The following ARHGEF10 variants were observed in gnomAD, a reference collection of about 807,000 sequenced individuals.
ARHGEF10 encodes Rho guanine nucleotide exchange factor (GEF) 10.
Under a neutral mutation model 147.4 loss-of-function variants are expected in ARHGEF10, and 140 were observed. The ratio of observed to expected loss-of-function variants is 0.95; its 90% CI spans 0.83 to 1.09. The LOEUF (loss-of-function observed/expected upper bound fraction) is 1.09. ARHGEF10 is among the 50% of genes least tolerant of loss of function. The pLI is 0.00. For synonymous variants in ARHGEF10, 902 were observed against 695.8 expected (o/e 1.30, Z -4.67); for missense variants, 2,222 against 1,752.7 (o/e 1.27, Z -4.78).
Position 1,928,426 on chromosome 8 carries a change from G to T in ARHGEF10, c.2698-1G>T. ...TCTTTCCTCCTAATTCTCTGATTCA[G>T]ATCGGAAGTTGCACCCATCAAATGG... On this transcript the variant is annotated splice_acceptor_variant, in intron 23 of 28. Transcript: ENST00000349830. LOFTEE classifies it high-confidence loss of function. 5 of 1,609,862 alleles carry T rather than the reference G, an allele frequency of 3.1e-6. No homozygotes were observed. The highest frequency in any genetic ancestry group is 4.2e-6 in the Non-Finnish European group (5 of 1,177,098).
At chr8:1,870,643 A>T (rs1267818584) in intron 7 of ARHGEF10, 2 of 152,246 alleles carry the variant, frequency 1.3e-5, no homozygotes, top group Non-Finnish European at 2.9e-5. Context: ...AGCCATAAGC[A>T]AGGAATAATT....
chr8:1,889,481 G>A lies in ARHGEF10; in HGVS notation c.1182+3774G>A, dbSNP rs1158205157. ...TGAGGGGTCTGTGAGGAGACACTGA[G>A]TGGGGTGAGGGGTCTGTGAGGAGAC... is the stretch of plus-strand genomic sequence containing the variant. On this transcript the variant is annotated intron_variant, in intron 11 of 28. Coordinates refer to ENST00000349830, the MANE Select transcript of ARHGEF10 (RefSeq NM_014629.4). Among the ~76,000 whole-genome samples the A allele has an allele frequency of 1.3e-4, 8 of 61,110 alleles. 1 individual carries two copies. Among genetic ancestry groups the A allele is most frequent in the African/African-American group, 5.9e-4 (6 of 10,174 alleles). The allele number at this position is 61,110 out of a possible 152,430, so 40.1% of individuals were successfully genotyped here.
chr8:1,896,232 G>T, intron 13 of ARHGEF10, 101 bp from the exon 14 acceptor site: 2 of 895,530 alleles, frequency 2.2e-6, no homozygotes, highest in East Asian at 2.4e-5. Flanking sequence ...CACAGTGACC[G>T]AAAGAGTATT....
At chr8:1,874,593 A>G (rs1807484883) in intron 7 of ARHGEF10, among the ~76,000 whole-genome samples, 1 of 152,252 alleles carries the variant, frequency 6.6e-6, no homozygotes, top group Non-Finnish European at 1.5e-5. Context: ...CAGTCCAGAT[A>G]CATACCGGGG....
intron 1 of ARHGEF10, among the ~76,000 whole-genome samples, chr8:1,829,478 A>G (rs1208385163): frequency 2.6e-5 from 4 of 152,206 alleles, no homozygotes; most frequent in Non-Finnish European, 5.9e-5. Flanking sequence ...GTGATAAGAA[A>G]GTCGACTCAT....
chr8:1,828,822 C>A (rs980022971), intron 1 of ARHGEF10, among the ~76,000 whole-genome samples: 9 of 152,174 alleles, frequency 5.9e-5, no homozygotes, highest in Admixed American at 2.6e-4. Flanking sequence ...TGCACACTTA[C>A]GGTTTTAAGG....
At chr8:1,849,542 ACG>A (rs1804842922) in intron 2 of ARHGEF10, among the ~76,000 whole-genome samples, 3 of 130,978 alleles carry the variant, frequency 2.3e-5, no homozygotes, top group Non-Finnish European at 1.6e-5. Flanking sequence ...TGGGGCGGCC[ACG>A]TGGGCATGGA....
At chr8:1,855,741 G>A (rs1243305645) in intron 2 of ARHGEF10, among the ~76,000 whole-genome samples, 2 of 152,038 alleles carry the variant, frequency 1.3e-5, no homozygotes, top group East Asian at 1.9e-4. Context: ...AGTCGGCATT[G>A]TTTCCGCAGC....
rs530074511 is a variant in ARHGEF10, at chr8:1,937,749, C to T, written c.3222+3807C>T. ...TTGCTGACAGCGAGGGCAGCAGCTG[C>T]GGGGGGATCCGTCCCGAATGGCCAT... On this transcript the variant is annotated intron_variant, in intron 26 of 28. Coordinates refer to ENST00000349830, the MANE Select transcript of ARHGEF10 (RefSeq NM_014629.4). This position sits in a 1 kb window ranked among gnomAD's most constrained non-coding sequence, Gnocchi z 4.9. 6.6e-5 allele frequency among the ~76,000 whole-genome samples: 10 copies of T among 152,304 alleles called. No individual in the cohort carries two copies. The highest frequency in any genetic ancestry group is 3.9e-4 in the East Asian group (2 of 5,174).
intron 2 of ARHGEF10, among the ~76,000 whole-genome samples, chr8:1,854,546 C>G (rs1025227026): frequency 1.1e-3 from 159 of 140,180 alleles, no homozygotes; most frequent in African/African-American, 3.7e-3. Context: ...GGCAGCTCCG[C>G]CAGTGTCTGC....
At chr8:1,930,343 C>T (rs1813024352) in intron 25 of ARHGEF10, among the ~76,000 whole-genome samples, 1 of 152,104 alleles carries the variant, frequency 6.6e-6, no homozygotes, top group African/African-American at 2.4e-5. Context: ...TGTCCCAGCT[C>T]ACTCCCCCAT....
At chr8:1,905,475 A>G in intron 16 of ARHGEF10, 96 bp from the exon 17 acceptor site, 1 of 1,505,904 alleles carries the variant, frequency 6.6e-7, no homozygotes, top group Non-Finnish European at 9.2e-7. Context: ...TCAGTTTGGA[A>G]AAGTCACCCT....
chr8:1,940,605 A>T (rs369092497), intron 26 of ARHGEF10, among the ~76,000 whole-genome samples: 50 of 152,338 alleles, frequency 3.3e-4, no homozygotes, highest in African/African-American at 1.1e-3. Context: ...AAAAATATTG[A>T]TGAGGACGGA....
chr8:1,862,664 C>T (rs1806229153), intron 4 of ARHGEF10, among the ~76,000 whole-genome samples: 1 of 152,236 alleles, frequency 6.6e-6, no homozygotes, highest in South Asian at 2.1e-4. Flanking sequence ...AGACATTTCT[C>T]ACCGTGCAGC....
intron 14 of ARHGEF10, among the ~76,000 whole-genome samples, chr8:1,897,068 C>A (rs1810035950): frequency 1.3e-5 from 2 of 152,244 alleles, no homozygotes; most frequent in Admixed American, 1.3e-4. Context: ...CAAGCTGAAA[C>A]CCCCTTCAAA....
intron 6 of ARHGEF10, 152 bp downstream of exon 6, chr8:1,866,754 C>T (rs1806657116): frequency 2.4e-6 from 2 of 840,136 alleles, no homozygotes; most frequent in African/African-American, 3.3e-5. Flanking sequence ...GCTGACTGTG[C>T]AGAAGTTTCC....
chr8:1,918,536 CAAAT>C (rs1190921619), intron 18 of ARHGEF10, among the ~76,000 whole-genome samples: 2 of 148,864 alleles, frequency 1.3e-5, no homozygotes, highest in Non-Finnish European at 1.5e-5. Flanking sequence ...TTTTAGTTGA[CAAAT>C]AATCATATAC....
At chr8:1,929,201 A>C (rs1390611991) in intron 24 of ARHGEF10, 85 bp from the exon 25 acceptor site, 3 of 1,445,506 alleles carry the variant, frequency 2.1e-6, no homozygotes, top group African/African-American at 2.8e-5. Context: ...GGAAGAGTTG[A>C]AATGTTTGTG....
chr8:1,905,438 A>G (rs904285386), intron 16 of ARHGEF10, 133 bp from the exon 17 acceptor site: 3 of 1,122,952 alleles, frequency 2.7e-6, no homozygotes, highest in Non-Finnish European at 4.0e-6. Context: ...AGTCACGGGG[A>G]ACATAGGAAC....
Sources: gnomAD v4.1 joint callset for allele counts (sites outside exome capture counted in the v4.1 genomes callset) on GRCh38, gnomAD v4.1.1 for gene constraint, Gnocchi (gnomAD v3.1) non-coding constraint, MANE v1.5 for transcripts, NCBI Gene and HGNC (gene_info 2026-07-23, HGNC 2026-07-21) for gene names.